The following ATXN7 variants were observed in gnomAD, a reference collection of about 807,000 sequenced individuals.
ATXN7 encodes ataxin-7.
ATXN7 carries 12 observed loss-of-function variants against 70.5 expected under a neutral mutation model. The ratio of observed to expected loss-of-function variants is 0.17; its 90% CI spans 0.11 to 0.28. The LOEUF is 0.28. ATXN7 is among the 10% of genes least tolerant of loss of function. The probability of loss-of-function intolerance (pLI) is 1.00; values close to 1 mark genes in which losing one functional copy is unlikely to be tolerated. For missense variants in ATXN7, 1,256 were observed against 1,131.7 expected (o/e 1.11, Z -1.58); for synonymous variants, 498 against 448.7 (o/e 1.11, Z -1.39).
chr3:63,982,381 C>A lies in ATXN7; in HGVS notation c.948C>A (p.Pro316=). The A allele has an allele frequency of 2.5e-6, 4 of 1,613,894 alleles. No homozygotes were observed. Among genetic ancestry groups the A allele is most frequent in the Non-Finnish European group, 3.4e-6 (4 of 1,179,808 alleles). ...ATGGCAAAGGGCTTCCTGCACCGCC[C>A]ACTCTGGAAAAGAAACCTGAAGACA... The part of the protein sequence containing the change: ...ILNGKGLPAP[P]TLEKKPEDNS... The change falls in exon 7 of 13, where the codon CCC becomes CCA. Residue 316 remains proline, a synonymous_variant. Transcript: ENST00000674280.
chr3:63,913,600 A>T (rs993679072), intron 4 of ATXN7, among the ~76,000 whole-genome samples: 2 of 152,216 alleles, frequency 1.3e-5, no homozygotes, highest in Admixed American at 6.5e-5. Context: ...TCTGTTGGCA[A>T]TCGAAACGAA....
rs941976843 is a variant in ATXN7, at chr3:63,996,319, A to G, written c.2497A>G (p.Ile833Val). 1.2e-6 allele frequency: 2 copies of G among 1,614,022 alleles called. No homozygotes were observed. Among genetic ancestry groups the G allele is most frequent in the African/African-American group, 2.7e-5 (2 of 74,910 alleles). Residue 833 changes from isoleucine (I) to valine (V), a missense_variant, in exon 12 of 13, where the codon ATA (isoleucine) becomes GTA (valine). By Grantham distance (29) the Ile-to-Val change is conservative. Transcript: ENST00000674280. ...SHSHTPLDKLIGKKRKCSPSS... is the reference protein window; with the variant it reads ...SHSHTPLDKLVGKKRKCSPSS... ...CTCACACACTCCTCTAGACAAACTC[A>G]TAGGAAAGAAAAGAAAGTGCTCACC... is the stretch of plus-strand genomic sequence containing the variant.
chr3:63,940,724 G>A (rs2074746128), intron 4 of ATXN7, among the ~76,000 whole-genome samples: 1 of 152,130 alleles, frequency 6.6e-6, no homozygotes, highest in Non-Finnish European at 1.5e-5. Flanking sequence ...GAAACTGTAT[G>A]CCTAGATGTG....
intron 5 of ATXN7, among the ~76,000 whole-genome samples, chr3:63,963,616 T>G (rs995436446): frequency 2.6e-5 from 4 of 152,234 alleles, no homozygotes; most frequent in African/African-American, 9.6e-5. Flanking sequence ...GATCCTATTA[T>G]GCACACTTCT....
intron 4 of ATXN7, among the ~76,000 whole-genome samples, chr3:63,924,098 C>T (rs564122606): frequency 6.6e-6 from 1 of 152,220 alleles, no homozygotes; most frequent in Admixed American, 6.5e-5. Flanking sequence ...AGAGGTTATC[C>T]TGTTCAGGAT....
At chr3:63,882,204 A>G (rs1335443559) in intron 1 of ATXN7, among the ~76,000 whole-genome samples, 1 of 152,084 alleles carries the variant, frequency 6.6e-6, no homozygotes, top group Non-Finnish European at 1.5e-5. Context: ...ATGGATGGCA[A>G]CCTTACACAA....
intron 2 of ATXN7, among the ~76,000 whole-genome samples, chr3:63,910,792 TAC>T (rs1491540058): frequency 1.3e-5 from 2 of 152,190 alleles, no homozygotes; most frequent in Non-Finnish European, 2.9e-5. Context: ...GAAAAAATTT[TAC>T]AGACTTATTT....
chr3:63,967,782 G>A (rs920902149), intron 5 of ATXN7: 5 of 1,473,290 alleles, frequency 3.4e-6, no homozygotes, highest in Non-Finnish European at 4.5e-6. Context: ...TAATTCAAGT[G>A]CTTTTTACAG....
At chr3:63,924,414 A>G (rs1704632969) in intron 4 of ATXN7, among the ~76,000 whole-genome samples, 1 of 152,158 alleles carries the variant, frequency 6.6e-6, no homozygotes. Context: ...GGACATGGAA[A>G]GTCGTGGGAC....
At chr3:63,960,585 G>A (rs546374156) in intron 5 of ATXN7, among the ~76,000 whole-genome samples, 2 of 152,098 alleles carry the variant, frequency 1.3e-5, no homozygotes, top group Non-Finnish European at 2.9e-5. Flanking sequence ...AATCTGCATC[G>A]GAAATATAAA....
At chr3:63,911,602 T>C (rs1263493269) in intron 2 of ATXN7, 1 of 152,092 alleles carries the variant, frequency 6.6e-6, no homozygotes, top group Non-Finnish European at 1.5e-5. Context: ...TGTACACGGG[T>C]TAAAGCTTCT....
At chr3:63,907,409 G>A (rs185819745) in intron 2 of ATXN7, among the ~76,000 whole-genome samples, 31 of 150,752 alleles carry the variant, frequency 2.1e-4, no homozygotes, top group African/African-American at 7.3e-4. Context: ...CTATACAGTC[G>A]ACTTCCTTTT....
chr3:63,962,753 T>C (rs767408797), intron 5 of ATXN7, among the ~76,000 whole-genome samples: 12 of 152,186 alleles, frequency 7.9e-5, no homozygotes, highest in Middle Eastern at 3.4e-3. Flanking sequence ...AGAGTTAAGA[T>C]GTTATTTTGC....
chr3:63,911,899 A>G (rs1474796479), intron 2 of ATXN7: 1 of 152,342 alleles, frequency 6.6e-6, no homozygotes, highest in Non-Finnish European at 1.5e-5. Flanking sequence ...AGCCGAGGGC[A>G]AAGTGCCCCC....
chr3:63,921,482 C>T (rs557224369), intron 4 of ATXN7, among the ~76,000 whole-genome samples: 3 of 152,156 alleles, frequency 2.0e-5, no homozygotes, highest in Admixed American at 6.5e-5. Flanking sequence ...AAAGGACAGT[C>T]CTTTAATTGT....
At chr3:63,937,095 C>G (rs921993386) in intron 4 of ATXN7, among the ~76,000 whole-genome samples, 1 of 152,184 alleles carries the variant, frequency 6.6e-6, no homozygotes, top group African/African-American at 2.4e-5. Context: ...CATAGGCAGG[C>G]TGCCAGAAGA....
chr3:63,999,319 G>C (rs1218507945), intron 12 of ATXN7, 131 bp from the exon 13 acceptor site: 4 of 721,572 alleles, frequency 5.5e-6, no homozygotes, highest in Non-Finnish European at 9.6e-6. Context: ...GACTGTTCCT[G>C]GTGTCACTCA....
intron 5 of ATXN7, among the ~76,000 whole-genome samples, chr3:63,967,002 T>C (rs1360453148): frequency 6.6e-6 from 1 of 152,122 alleles, no homozygotes; most frequent in Non-Finnish European, 1.5e-5. Context: ...TGGGCTGGAG[T>C]GCGGTGGCAC....
chr3:63,909,724 G>T (rs140389719), intron 2 of ATXN7, among the ~76,000 whole-genome samples: 308 of 152,250 alleles, frequency 2.0e-3, no homozygotes, highest in Middle Eastern at 0.017. Flanking sequence ...TAGGAGTTAG[G>T]ACTTTTTTAT....
Sources: gnomAD v4.1 joint callset for allele counts (sites outside exome capture counted in the v4.1 genomes callset) on GRCh38, gnomAD v4.1.1 for gene constraint, MANE v1.5 for transcripts, NCBI Gene and HGNC (gene_info 2026-07-23, HGNC 2026-07-21) for gene names.